TENM3: variants seen among roughly 807,000 people sequenced by gnomAD.
TENM3 encodes the protein teneurin-3.
In TENM3, 63 loss-of-function variants were observed where a neutral mutation model predicts 255.1. The ratio of observed to expected loss-of-function variants is 0.25; its 90% confidence interval spans 0.20 to 0.30. The LOEUF is 0.30. Among genes scored for constraint, TENM3 ranks in the 10% least tolerant of loss-of-function variants. The pLI is 1.00. For missense variants in TENM3, 2,929 were observed against 3,461.1 expected, an observed-to-expected ratio of 0.85 and a Z score of 3.86; for synonymous variants, 1,306 against 1,322.3, an observed-to-expected ratio of 0.99 and a Z score of 0.27.
At chr4:181,785,944 G>A in the TENM3 span, among the ~76,000 whole-genome samples, 9 of 152,020 alleles carry the variant, frequency 5.9e-5, no homozygotes, top group Admixed American at 2.0e-4. Flanking sequence ...AAATATCACC[G>A]CATATAAATG....
intron 3 of TENM3, among the ~76,000 whole-genome samples, chr4:182,551,332 C>G (rs1300913680): frequency 6.6e-6 from 1 of 150,672 alleles, no homozygotes; most frequent in East Asian, 2.0e-4. Flanking sequence ...CTAAAATTTT[C>G]TGACTTTGAT....
the TENM3 span, among the ~76,000 whole-genome samples, chr4:181,887,806 AAAATCTTGAATTC>A: frequency 6.6e-6 from 1 of 152,188 alleles, no homozygotes; most frequent in Admixed American, 6.5e-5. Flanking sequence ...TTACAATAGA[AAAATCTTGAATTC>A]AAATCACTCT....
chr4:182,204,119 A>T (rs1453777664), intron 1 of TENM3, among the ~76,000 whole-genome samples: 1 of 147,394 alleles, frequency 6.8e-6, no homozygotes, highest in Non-Finnish European at 1.5e-5. Context: ...GGGACAAAAG[A>T]AAGAAAAGAG....
At chr4:182,481,441 G>A (rs758137038) in intron 3 of TENM3, among the ~76,000 whole-genome samples, 6 of 151,818 alleles carry the variant, frequency 4.0e-5, no homozygotes, top group Admixed American at 6.6e-5. Flanking sequence ...TATTCAGTAG[G>A]GTAAATCCTC....
chr4:182,092,257 C>T, the TENM3 span, among the ~76,000 whole-genome samples: 1 of 152,164 alleles, frequency 6.6e-6, no homozygotes, highest in Non-Finnish European at 1.5e-5. Flanking sequence ...GGGAGAATCA[C>T]TTGAACCTGG....
chr4:181,755,449 A>T, the TENM3 span, among the ~76,000 whole-genome samples: 2 of 152,108 alleles, frequency 1.3e-5, no homozygotes, highest in Admixed American at 6.6e-5. Flanking sequence ...TATACCTTGG[A>T]TAAACTAAGA....
intron 7 of TENM3, among the ~76,000 whole-genome samples, chr4:182,677,051 C>T (rs115805804): frequency 1.4e-3 from 212 of 152,312 alleles, no homozygotes; most frequent in African/African-American, 4.9e-3. Context: ...GCAAAACTCA[C>T]ATTTGCCCTT....
chr4:182,512,124 A>T (rs1185784729), intron 3 of TENM3, among the ~76,000 whole-genome samples: 5 of 152,150 alleles, frequency 3.3e-5, no homozygotes, highest in Non-Finnish European at 7.3e-5. Flanking sequence ...ATTTCATATT[A>T]CCAGAACCTA....
intron 3 of TENM3, among the ~76,000 whole-genome samples, chr4:182,551,775 C>A (rs1458417769): frequency 2.0e-5 from 3 of 152,016 alleles, no homozygotes; most frequent in Admixed American, 2.0e-4. Flanking sequence ...AATCCCTGCA[C>A]TTCAGGAGGC....
rs75466083 is a variant in TENM3, at chr4:182,564,179, T to A, written c.512-36745T>A. On this transcript the variant is annotated intron_variant, in intron 3 of 27. Coordinates refer to ENST00000511685, the MANE Select transcript of TENM3 (RefSeq NM_001080477.4). The stretch of plus-strand genomic sequence containing the variant: ...CATTGGATAGGGATTCACTGCTTTC[T>A]GAGGCAGCTTGTTCTATTTTTAGCT... Among the ~76,000 whole-genome samples the A allele has an allele frequency of 5.8e-3, 883 of 152,296 alleles. 29 individuals are homozygous for A. In the East Asian group the frequency reaches 0.06, roughly 10 times the overall value.
chr4:181,866,749 AG>A, the TENM3 span, among the ~76,000 whole-genome samples: 1 of 152,176 alleles, frequency 6.6e-6, no homozygotes, highest in Non-Finnish European at 1.5e-5. Flanking sequence ...TGAATTTTAA[AG>A]CATTCTGCGT....
At chr4:182,246,703 TAGAG>T (rs1446169772) in intron 1 of TENM3, among the ~76,000 whole-genome samples, 4 of 152,078 alleles carry the variant, frequency 2.6e-5, no homozygotes, top group East Asian at 1.9e-4. Flanking sequence ...TCATAAGAAA[TAGAG>T]AGATATGAAT....
chr4:182,052,078 G>A, the TENM3 span, among the ~76,000 whole-genome samples: 1 of 152,074 alleles, frequency 6.6e-6, no homozygotes, highest in Non-Finnish European at 1.5e-5. Flanking sequence ...ACAGTGCATA[G>A]AGAAGTCCCC....
intron 3 of TENM3, among the ~76,000 whole-genome samples, chr4:182,546,384 T>C (rs1057374338): frequency 6.6e-6 from 1 of 152,190 alleles, no homozygotes; most frequent in Admixed American, 6.5e-5. Flanking sequence ...AGCAAGTAAG[T>C]GCTCTACAAA....
chr4:182,256,104 C>T (rs979815953), intron 1 of TENM3, among the ~76,000 whole-genome samples: 94 of 152,152 alleles, frequency 6.2e-4, no homozygotes, highest in Non-Finnish European at 9.4e-4. Flanking sequence ...AGGTTCCAAC[C>T]GTTGCAAAAT....
intron 1 of TENM3, among the ~76,000 whole-genome samples, chr4:182,153,035 A>C (rs927519469): frequency 6.6e-6 from 1 of 151,884 alleles, no homozygotes; most frequent in South Asian, 2.1e-4. Context: ...AATTATCTAC[A>C]CTTGGGCTTT....
chr4:182,154,033 C>T (rs1750523504), intron 1 of TENM3, among the ~76,000 whole-genome samples: 2 of 151,960 alleles, frequency 1.3e-5, no homozygotes, highest in Non-Finnish European at 1.5e-5. Flanking sequence ...TTTTGAAAAA[C>T]AATGATACCT....
intron 3 of TENM3, among the ~76,000 whole-genome samples, chr4:182,380,358 G>A (rs975300139): frequency 6.6e-6 from 1 of 152,206 alleles, no homozygotes; most frequent in African/African-American, 2.4e-5. Flanking sequence ...AGAGTAAAGT[G>A]AGATAAATGG....
chr4:181,964,591 GA>G, the TENM3 span, among the ~76,000 whole-genome samples: 5,357 of 144,042 alleles, frequency 0.037, 290 homozygotes, highest in African/African-American at 0.11. Flanking sequence ...AATGTTGCTA[GA>G]AAAAAAAAAA....
Sources: gnomAD v4.1 joint callset for allele counts (sites outside exome capture counted in the v4.1 genomes callset) on GRCh38, gnomAD v4.1.1 for gene constraint, MANE v1.5 for transcripts, NCBI Gene and HGNC (gene_info 2026-07-23, HGNC 2026-07-21) for gene names.